The following IGF1 variants were observed in gnomAD, a reference collection of about 807,000 sequenced individuals.
The protein encoded by IGF1 is insulin-like growth factor 1.
IGF1 carries 4 observed loss-of-function variants against 13.8 expected under a neutral mutation model. The observed-to-expected ratio is 0.29, with a 90% CI of 0.14 to 0.66. The LOEUF (loss-of-function observed/expected upper bound fraction) is 0.66, where lower values mean the gene tolerates loss of function less well. Ranked by LOEUF, IGF1 falls within the 30% of genes least tolerant of loss-of-function variation. The pLI is 0.78. For synonymous variants in IGF1, 76 were observed against 72.6 expected (o/e 1.05, Z -0.23); for missense variants, 124 against 188.5 (o/e 0.66, Z 2.00).
chr12:102,414,130 T>C lies in IGF1; in HGVS notation c.402+5379A>G, dbSNP rs571574891. On this transcript the variant is annotated intron_variant, in intron 3 of 3. Coordinates refer to ENST00000337514, the MANE Select transcript of IGF1 (RefSeq NM_000618.5). ...AATGCTTACTAAGTGCTAGATACCA[T>C]TTTAAGTGCTGTAATATGTGTCTCT... Among the ~76,000 whole-genome samples the C allele has an allele frequency of 1.9e-4, 29 of 152,256 alleles. No homozygotes were observed. In the South Asian group the frequency reaches 3.5e-3, roughly 19 times the overall value.
At chr12:102,435,932 A>C (rs538987280) in intron 2 of IGF1, among the ~76,000 whole-genome samples, 2 of 152,176 alleles carry the variant, frequency 1.3e-5, no homozygotes, top group African/African-American at 2.4e-5. Context: ...TGCAATATCA[A>C]CTCCTAATAT....
At chr12:102,460,695 T>G (rs1224182499) in intron 2 of IGF1, among the ~76,000 whole-genome samples, 1 of 152,226 alleles carries the variant, frequency 6.6e-6, no homozygotes, top group African/African-American at 2.4e-5. Context: ...CAGTAAACAT[T>G]CTGGAAAAGG....
chr12:102,475,834 C>T (rs767657537), intron 1 of IGF1, 35 bp from the exon 2 acceptor site: 8 of 1,589,206 alleles, frequency 5.0e-6, no homozygotes, highest in Non-Finnish European at 6.0e-6. Context: ...CAGGTTTCCT[C>T]CTTGATCCTT....
intron 2 of IGF1, among the ~76,000 whole-genome samples, chr12:102,437,972 T>C (rs971759040): frequency 6.6e-6 from 1 of 152,216 alleles, no homozygotes; most frequent in African/African-American, 2.4e-5. Flanking sequence ...AGAAACCTAT[T>C]TGAACTTTCA....
chr12:102,461,364 C>A (rs1363712554), intron 2 of IGF1, among the ~76,000 whole-genome samples: 1 of 152,108 alleles, frequency 6.6e-6, no homozygotes, highest in African/African-American at 2.4e-5. Context: ...TAAAGTTTAC[C>A]CTTCACCTTC....
chr12:102,407,094 CAAAAAAAAAAAAAAAA>C (rs57468885), intron 3 of IGF1, among the ~76,000 whole-genome samples: 10 of 100,988 alleles, frequency 9.9e-5, no homozygotes, highest in African/African-American at 1.3e-4. Flanking sequence ...ACTCTGTCTC[CAAAAAAAAAAAAAAAA>C]AAAAAAAAAA....
intron 2 of IGF1, among the ~76,000 whole-genome samples, chr12:102,466,929 A>G (rs904224154): frequency 1.3e-5 from 2 of 152,124 alleles, no homozygotes; most frequent in African/African-American, 4.8e-5. Flanking sequence ...CCAAAATGAA[A>G]AAACCCACAT....
Position 102,415,543 on chromosome 12 carries a change from T to TTTCCTTCCTTCCTTCCTTCCTTCCTTCC in IGF1, c.402+3938_402+3965dup, listed in dbSNP as rs761981548. Among the ~76,000 whole-genome samples the TTTCCTTCCTTCCTTCCTTCCTTCCTTCC allele has an allele frequency of 3.1e-4, 25 of 81,806 alleles. 1 individual carries two copies. Among genetic ancestry groups the TTTCCTTCCTTCCTTCCTTCCTTCCTTCC allele is most frequent in the Non-Finnish European group, 4.9e-4 (21 of 42,550 alleles). 53.7% of individuals were successfully genotyped at this position (81,806 alleles called of 152,430 possible). On this transcript the variant is annotated intron_variant, in intron 3 of 3. Transcript: ENST00000337514. The stretch of plus-strand genomic sequence containing the variant: ...GAAAGTCTTTTTGTTCTTCCTTCCC[T>TTTCCTTCCTTCCTTCCTTCCTTCCTTCC]TTCCTTCCTTCCTTCCTTCCTTCCT...
At chr12:102,423,424 T>C (rs377031395) in intron 2 of IGF1, among the ~76,000 whole-genome samples, 1 of 152,192 alleles carries the variant, frequency 6.6e-6, no homozygotes, top group African/African-American at 2.4e-5. Context: ...ATAATTTTTC[T>C]TGCTGACAAA....
At chr12:102,434,462 C>G (rs1877036052) in intron 2 of IGF1, among the ~76,000 whole-genome samples, 1 of 150,560 alleles carries the variant, frequency 6.6e-6, no homozygotes, top group Non-Finnish European at 1.5e-5. Flanking sequence ...ATCCATGTCC[C>G]TACAAAGGAC....
In IGF1 at chr12:102,446,221, A is replaced by G. The variant is rs935916975; in HGVS notation, c.221-26531T>C. ...GTCTCTGCCAAGTTATGGTGTCAGG[A>G]TGATGCTGACCTCATTAAATGAGTT... is the stretch of plus-strand genomic sequence containing the variant. On this transcript the variant is annotated intron_variant, in intron 2 of 3. Coordinates refer to ENST00000337514, the MANE Select transcript of IGF1 (RefSeq NM_000618.5). Among the ~76,000 whole-genome samples, 65 of 152,270 alleles carry G rather than the reference A, an allele frequency of 4.3e-4. 1 individual carries two copies. The highest frequency in any genetic ancestry group is 1.6e-3 in the African/African-American group (65 of 41,550).
chr12:102,475,583 A>G, intron 2 of IGF1, 60 bp downstream of exon 2: 1 of 1,593,036 alleles, frequency 6.3e-7, no homozygotes. Context: ...CTGCGGTTGT[A>G]AATCCACAGA....
chr12:102,481,145 TA>T (rs1269765456), upstream of IGF1, among the ~76,000 whole-genome samples: 2 of 152,150 alleles, frequency 1.3e-5, no homozygotes, highest in African/African-American at 4.8e-5. Flanking sequence ...TTGGTCCCTT[TA>T]GGGCACTGTC....
At chr12:102,428,744 G>A (rs964590564) in intron 2 of IGF1, among the ~76,000 whole-genome samples, 7 of 152,150 alleles carry the variant, frequency 4.6e-5, no homozygotes, top group African/African-American at 1.7e-4. Context: ...TAATATTGTT[G>A]ACAAGATTGC....
intron 2 of IGF1, among the ~76,000 whole-genome samples, chr12:102,451,388 A>G (rs1878914992): frequency 6.6e-6 from 1 of 152,238 alleles, no homozygotes; most frequent in Admixed American, 6.5e-5. Flanking sequence ...AGAGTAAGTA[A>G]TGAACTTCCA....
At chr12:102,409,275 T>C (rs1166481533) in intron 3 of IGF1, among the ~76,000 whole-genome samples, 1 of 152,200 alleles carries the variant, frequency 6.6e-6, no homozygotes, top group East Asian at 1.9e-4. Context: ...AAGAGCCCTC[T>C]CTGGGTCTAC....
chr12:102,475,084 A>G (rs1418029264), intron 2 of IGF1, among the ~76,000 whole-genome samples: 1 of 152,202 alleles, frequency 6.6e-6, no homozygotes, highest in African/African-American at 2.4e-5. Flanking sequence ...TTGCATTTAG[A>G]GACAGTCTGT....
At chr12:102,425,362 T>C (rs1400127578) in intron 2 of IGF1, among the ~76,000 whole-genome samples, 1 of 152,198 alleles carries the variant, frequency 6.6e-6, no homozygotes, top group Non-Finnish European at 1.5e-5. Context: ...TAATTGCCAG[T>C]GTTTGCTGGT....
At chr12:102,456,445 A>G (rs9989002) in intron 2 of IGF1, among the ~76,000 whole-genome samples, 113,918 of 152,064 alleles carry the variant, frequency 0.75, 42,806 homozygotes, top group East Asian at 0.84. Flanking sequence ...ATTTTGTCAG[A>G]AGTTTTTCCC....
Sources: allele counts gnomAD v4.1 joint callset (sites outside exome capture counted in the v4.1 genomes callset), GRCh38; gene constraint gnomAD v4.1.1; transcripts MANE v1.5; gene names NCBI Gene and HGNC (gene_info 2026-07-23, HGNC 2026-07-21).